The following FAM117A variants were observed in gnomAD, a reference collection of about 807,000 sequenced individuals.
The protein encoded by FAM117A is family with sequence similarity 117 member A, also known as protein FAM117A.
Under a neutral mutation model 44.1 loss-of-function variants are expected in FAM117A, and 21 were observed. The ratio of observed to expected loss-of-function variants is 0.48; its 90% CI spans 0.34 to 0.69. The LOEUF is 0.69. Among genes scored for constraint, FAM117A ranks in the 30% least tolerant of loss-of-function variants. FAM117A has a pLI of 0.01. For synonymous variants in FAM117A, 220 were observed against 238.3 expected (o/e 0.92, Z 0.71); for missense variants, 498 against 589.9 (o/e 0.84, Z 1.61).
At chr17:49,786,234 T>A (rs2073805441) in intron 1 of FAM117A, among the ~76,000 whole-genome samples, 1 of 152,186 alleles carries the variant, frequency 6.6e-6, no homozygotes, top group Non-Finnish European at 1.5e-5. Flanking sequence ...AACTGTAAAC[T>A]CTTTAGTGTC....
intron 1 of FAM117A, among the ~76,000 whole-genome samples, chr17:49,758,635 A>T (rs1356192910): frequency 3.0e-5 from 3 of 101,644 alleles, no homozygotes; most frequent in East Asian, 2.5e-4. Context: ...AAAAAAAAAA[A>T]ATAAAATAAA....
chr17:49,739,767 C>G (rs1464298551), intron 1 of FAM117A, among the ~76,000 whole-genome samples: 1 of 152,232 alleles, frequency 6.6e-6, no homozygotes, highest in Admixed American at 6.5e-5. Context: ...CATATCATGA[C>G]AGGCCATGAC....
intron 1 of FAM117A, among the ~76,000 whole-genome samples, chr17:49,746,411 A>G (rs764377230): frequency 7.9e-5 from 12 of 152,258 alleles, no homozygotes; most frequent in Non-Finnish European, 1.8e-4. Context: ...GCCAAATTCA[A>G]CTGGGTCACT....
At chr17:49,753,180 A>G (rs2073684171) in intron 1 of FAM117A, among the ~76,000 whole-genome samples, 1 of 152,114 alleles carries the variant, frequency 6.6e-6, no homozygotes, top group African/African-American at 2.4e-5. Context: ...TCTTTTGCTT[A>G]GCTTAACAAA....
intron 2 of FAM117A, among the ~76,000 whole-genome samples, chr17:49,724,007 C>T (rs745915416): frequency 6.6e-6 from 1 of 152,160 alleles, no homozygotes; most frequent in African/African-American, 2.4e-5. Context: ...GCAGACAGCA[C>T]ATCCTTCAGG....
intron 1 of FAM117A, chr17:49,732,960 T>C (rs1357563571): frequency 2.0e-6 from 1 of 508,404 alleles, no homozygotes; most frequent in African/African-American, 1.9e-5. Context: ...TGGACTTGGA[T>C]GTTACTTTAT....
chr17:49,711,193 T>G lies in FAM117A; in HGVS notation c.*62A>C, dbSNP rs1337014779. On this transcript the variant is annotated 3_prime_UTR_variant, in exon 8 of 8. Coordinates refer to ENST00000240364, the MANE Select transcript of FAM117A (RefSeq NM_030802.4). ...CCTCCATACCCCATCTCAGGGGACC[T>G]GGGGAGGGACCTGCCACCAAGGCAC... 3 of 1,491,204 alleles carry G rather than the reference T, an allele frequency of 2.0e-6. No homozygotes were observed. The Admixed American group carries it at 6.5e-5, about 32-fold the overall frequency. The allele number at this position is 1,491,204 out of a possible 1,614,324, so 92.4% of individuals were successfully genotyped here.
At position 49,711,479 on chromosome 17, in the gene FAM117A, C is replaced by T; in HGVS notation, c.1138G>A (p.Ala380Thr). 2.5e-6 allele frequency: 4 copies of T among 1,614,072 alleles called. No homozygotes were observed. The highest frequency in any genetic ancestry group is 3.4e-6 in the Non-Finnish European group (4 of 1,180,018). Residue 380 changes from alanine (A) to threonine (T), a missense_variant, in exon 8 of 8, where the codon GCC becomes ACC. Ala to Thr is a moderately conservative substitution (Grantham distance 58). Coordinates refer to ENST00000240364, the MANE Select transcript of FAM117A (RefSeq NM_030802.4). Reference protein sequence around the residue: ...NKVHFNPTGSAFCPVNLMKPL... With the variant: ...NKVHFNPTGSTFCPVNLMKPL... ...TTCATCAGGTTGACGGGGCAGAAGG[C>T]TGAGCCAGTCGGGTTGAAATGGACT...
intron 5 of FAM117A, among the ~76,000 whole-genome samples, chr17:49,719,335 G>A (rs74550612): frequency 6.6e-6 from 1 of 152,194 alleles, no homozygotes; most frequent in Non-Finnish European, 1.5e-5. Context: ...TCGGGGAGAA[G>A]GCTGCATAGG....
At chr17:49,747,745 A>G (rs923239727) in intron 1 of FAM117A, among the ~76,000 whole-genome samples, 18 of 152,258 alleles carry the variant, frequency 1.2e-4, no homozygotes, top group African/African-American at 3.1e-4. Flanking sequence ...CCGGGCCCTG[A>G]TATTTTGGAA....
upstream of FAM117A, among the ~76,000 whole-genome samples, chr17:49,768,564 C>T (rs147321052): frequency 2.5e-3 from 375 of 152,204 alleles, 3 homozygotes; most frequent in African/African-American, 8.7e-3. Context: ...TGTCTCTTTC[C>T]GACCTACCTC....
intron 1 of FAM117A, among the ~76,000 whole-genome samples, chr17:49,771,600 T>C (rs560604025): frequency 2.6e-5 from 4 of 152,326 alleles, no homozygotes; most frequent in Admixed American, 2.0e-4. Flanking sequence ...CAGATGGTGC[T>C]TCATGAAAAA....
intron 1 of FAM117A, among the ~76,000 whole-genome samples, chr17:49,783,652 A>G (rs1371974048): frequency 1.3e-5 from 2 of 152,172 alleles, no homozygotes; most frequent in East Asian, 1.9e-4. Context: ...CCTATTAGTG[A>G]CTGTGCTGAC....
intron 1 of FAM117A, among the ~76,000 whole-genome samples, chr17:49,738,678 TGTCTCAGAACCCTTAGCAAG>T (rs1262416359): frequency 6.6e-6 from 1 of 152,236 alleles, no homozygotes; most frequent in Admixed American, 6.5e-5. Flanking sequence ...AATTACCTTC[TGTCTCAGAACCCTTAGCAAG>T]GTCCACTACC....
intron 1 of FAM117A, among the ~76,000 whole-genome samples, chr17:49,780,208 A>C (rs1444112247): frequency 1.3e-5 from 2 of 152,218 alleles, no homozygotes; most frequent in Non-Finnish European, 2.9e-5. Flanking sequence ...CCTAGCCCCT[A>C]TGCCTGGGAA....
chr17:49,740,462 G>C (rs773212768), intron 1 of FAM117A, among the ~76,000 whole-genome samples: 1 of 152,152 alleles, frequency 6.6e-6, no homozygotes, highest in Non-Finnish European at 1.5e-5. Flanking sequence ...TGTTAGCCAG[G>C]ATGGTCTTGA....
At chr17:49,739,087 G>A (rs1163185190) in intron 1 of FAM117A, among the ~76,000 whole-genome samples, 1 of 152,066 alleles carries the variant, frequency 6.6e-6, no homozygotes, top group Non-Finnish European at 1.5e-5. Context: ...TACAGCCAAC[G>A]CCACCCAGCC....
intron 1 of FAM117A, among the ~76,000 whole-genome samples, chr17:49,753,026 C>T (rs2073683581): frequency 6.6e-6 from 1 of 152,056 alleles, no homozygotes; most frequent in Admixed American, 6.6e-5. Context: ...CCACACCCTG[C>T]TAATTTTTGT....
chr17:49,713,412 G>C lies in FAM117A; in HGVS notation c.1062-1857C>G, dbSNP rs2073487350. ...AAGACGGTGAAGCTCTGCCACCAAT[G>C]GTTCTCACCAATCACCTTTTTCTTT... is the stretch of plus-strand genomic sequence containing the variant. On this transcript the variant is annotated intron_variant, in intron 7 of 7. Coordinates refer to ENST00000240364, the MANE Select transcript of FAM117A (RefSeq NM_030802.4). 2.0e-5 allele frequency among the ~76,000 whole-genome samples: 3 copies of C among 152,132 alleles called. No individual in the cohort carries two copies. In the South Asian group the frequency reaches 6.2e-4, roughly 32 times the overall value.
Sources: gnomAD v4.1 joint callset for allele counts (sites outside exome capture counted in the v4.1 genomes callset) on GRCh38, gnomAD v4.1.1 for gene constraint, MANE v1.5 for transcripts, NCBI Gene and HGNC (gene_info 2026-07-23, HGNC 2026-07-21) for gene names.